The following MECOM variants were observed in gnomAD, a reference collection of about 807,000 sequenced individuals.
The protein encoded by MECOM is MDS1 and EVI1 complex locus.
In MECOM, 13 loss-of-function variants were observed where a neutral mutation model predicts 116.3. The observed-to-expected ratio is 0.11, with a 90% CI of 0.07 to 0.18. The LOEUF is 0.18. MECOM is among the 10% of genes least tolerant of loss of function. The pLI is 1.00. For missense variants in MECOM, 1,299 were observed against 1,509.0 expected (o/e 0.86, Z 2.31); for synonymous variants, 528 against 535.2 (o/e 0.99, Z 0.19).
At chr3:169,376,004 G>A (rs112957439) in intron 2 of MECOM, among the ~76,000 whole-genome samples, 8,961 of 152,084 alleles carry the variant, frequency 0.059, 325 homozygotes, top group East Asian at 0.12. Context: ...CTTCATCCCT[G>A]GGATGCAAGG....
rs773802365 is a variant in MECOM at position 169,372,588 on chromosome 3, T to C, written c.375+8599A>G. On this transcript the variant is annotated intron_variant, in intron 2 of 16. Transcript: ENST00000651503. ...AACTGAACTTCTAGGAAACAAGAAA[T>C]TGGAAAAAGAGCAATAACTTATAAA... 4.6e-5 allele frequency among the ~76,000 whole-genome samples: 7 copies of C among 152,030 alleles called. No individual in the cohort carries two copies. In the East Asian group the frequency reaches 1.2e-3, roughly 25 times the overall value.
chr3:169,143,597 G>T, intron 3 of MECOM, 101 bp downstream of exon 3: 3 of 1,149,628 alleles, frequency 2.6e-6, no homozygotes, highest in Non-Finnish European at 1.2e-6. Flanking sequence ...TCAACAAACA[G>T]GCCACAAGGG....
intron 2 of MECOM, among the ~76,000 whole-genome samples, chr3:169,371,754 C>A (rs576838426): frequency 6.6e-6 from 1 of 152,100 alleles, no homozygotes; most frequent in South Asian, 2.1e-4. Context: ...TTTCATTCTT[C>A]TTCATTATCA....
At chr3:169,348,334 C>T (rs1725730293) in intron 2 of MECOM, among the ~76,000 whole-genome samples, 1 of 152,058 alleles carries the variant, frequency 6.6e-6, no homozygotes, top group African/African-American at 2.4e-5. Flanking sequence ...TTTATAGTCA[C>T]ACCTCATAAC....
intron 1 of MECOM, among the ~76,000 whole-genome samples, chr3:169,659,090 A>AG (rs1775909104): frequency 6.6e-6 from 1 of 151,690 alleles, no homozygotes; most frequent in African/African-American, 2.4e-5. Flanking sequence ...AAAAAAAAAA[A>AG]AGAAAGAGAA....
At chr3:169,202,862 C>T (rs936535966) in intron 2 of MECOM, among the ~76,000 whole-genome samples, 5 of 144,230 alleles carry the variant, frequency 3.5e-5, no homozygotes, top group African/African-American at 1.3e-4. Context: ...TTAAGTCCAA[C>T]TTTCTGGGAA....
chr3:169,381,704 C>T (rs988758165), intron 1 of MECOM, among the ~76,000 whole-genome samples, 180 bp from the exon 2 acceptor site: 9 of 152,162 alleles, frequency 5.9e-5, no homozygotes, highest in African/African-American at 1.9e-4. Context: ...ATTATGGCCT[C>T]TGTGGTTTAT....
chr3:169,574,147 T>C (rs1030033986), intron 1 of MECOM, among the ~76,000 whole-genome samples: 4 of 152,282 alleles, frequency 2.6e-5, no homozygotes, highest in Middle Eastern at 3.4e-3. Flanking sequence ...CTGAAAAGCC[T>C]TGGGGACAGC....
chr3:169,173,421 A>T (rs981080446), intron 2 of MECOM, among the ~76,000 whole-genome samples: 14 of 152,076 alleles, frequency 9.2e-5, no homozygotes, highest in African/African-American at 3.4e-4. Context: ...TTCCCTGACA[A>T]TACTTCTAAC....
At chr3:169,129,420 C>T (rs2149189390) in intron 4 of MECOM, among the ~76,000 whole-genome samples, 1 of 806 alleles carries the variant, frequency 1.2e-3, no homozygotes, top group Middle Eastern at 0.25. Flanking sequence ...GAAGAATTTT[C>T]CCAGTTTCAG....
chr3:169,451,137 A>G (rs1745505281), intron 1 of MECOM, among the ~76,000 whole-genome samples: 1 of 152,046 alleles, frequency 6.6e-6, no homozygotes, highest in Admixed American at 6.6e-5. Flanking sequence ...GGATAAAACA[A>G]TTTAAGCTCT....
At chr3:169,518,040 A>C (rs1199572853) in intron 1 of MECOM, among the ~76,000 whole-genome samples, 2 of 152,172 alleles carry the variant, frequency 1.3e-5, no homozygotes, top group Admixed American at 1.3e-4. Context: ...CGGGCTGATC[A>C]CAAGGTCAGG....
At chr3:169,506,466 C>CTTTTTT (rs59006044) in intron 1 of MECOM, among the ~76,000 whole-genome samples, 1 of 147,712 alleles carries the variant, frequency 6.8e-6, no homozygotes, top group Non-Finnish European at 1.5e-5. Context: ...GGTGAGTACT[C>CTTTTTT]TTTTTTTTTT....
intron 1 of MECOM, among the ~76,000 whole-genome samples, chr3:169,522,322 G>A (rs1334033462): frequency 6.6e-6 from 1 of 152,174 alleles, no homozygotes; most frequent in East Asian, 1.9e-4. Flanking sequence ...AGAGACCAAA[G>A]GGTCAGCTGC....
chr3:169,539,727 A>G (rs1159705439), intron 1 of MECOM, among the ~76,000 whole-genome samples: 1 of 152,156 alleles, frequency 6.6e-6, no homozygotes, highest in African/African-American at 2.4e-5. Context: ...TTAAAAACGT[A>G]TATCAGACCA....
chr3:169,647,467 T>C (rs938799276), intron 1 of MECOM, among the ~76,000 whole-genome samples: 7 of 152,154 alleles, frequency 4.6e-5, no homozygotes, highest in African/African-American at 1.7e-4. Context: ...TAGGTAGTGA[T>C]AGAACCAAGC....
chr3:169,317,665 A>G (rs1720002308), intron 2 of MECOM, among the ~76,000 whole-genome samples: 1 of 152,192 alleles, frequency 6.6e-6, no homozygotes. Context: ...CACAACTGTC[A>G]CCACTCCTAG....
chr3:169,656,138 G>C (rs1406231510), intron 1 of MECOM, among the ~76,000 whole-genome samples: 1 of 152,184 alleles, frequency 6.6e-6, no homozygotes, highest in Non-Finnish European at 1.5e-5. Flanking sequence ...CATCGCCAAA[G>C]CACAAAAACT....
chr3:169,490,404 A>G (rs896954557), intron 1 of MECOM, among the ~76,000 whole-genome samples: 2 of 152,346 alleles, frequency 1.3e-5, no homozygotes, highest in Non-Finnish European at 2.9e-5. Context: ...TGCTAGATAC[A>G]GCCCTGTTTG....
Sources: gnomAD v4.1 joint callset for allele counts (sites outside exome capture counted in the v4.1 genomes callset) on GRCh38, gnomAD v4.1.1 for gene constraint, MANE v1.5 for transcripts, NCBI Gene and HGNC (gene_info 2026-07-23, HGNC 2026-07-21) for gene names.